The following INO80D variants were observed in gnomAD, a reference collection of about 807,000 sequenced individuals.
INO80D encodes the protein INO80 complex subunit D.
In INO80D, 21 loss-of-function variants were observed where a neutral mutation model predicts 87.6. That is an observed-to-expected ratio of 0.24 (90% CI 0.17 to 0.35). The LOEUF (loss-of-function observed/expected upper bound fraction) is 0.35. INO80D is among the 10% of genes least tolerant of loss of function. The pLI, the probability that INO80D is intolerant of heterozygous loss-of-function variation, is 1.00. For synonymous variants in INO80D, 440 were observed against 491.0 expected, an observed-to-expected ratio of 0.90 and a Z score of 1.37; for missense variants, 982 against 1,280.7, an observed-to-expected ratio of 0.77 and a Z score of 3.56.
intron 1 of INO80D, among the ~76,000 whole-genome samples, chr2:206,073,112 C>G (rs950372784): frequency 1.3e-5 from 2 of 152,178 alleles, no homozygotes; most frequent in Admixed American, 1.3e-4. Context: ...GCTGGGATTA[C>G]AGGCGTGAGC....
At position 206,063,078 on chromosome 2, in the gene INO80D, T is replaced by C. The variant is rs568904276; in HGVS notation, c.-29-33A>G. The C allele has an allele frequency of 1.1e-4, 124 of 1,155,924 alleles. No individual in the cohort carries two copies. The African/African-American group carries it at 1.8e-3, about 17-fold the overall frequency. The allele number at this position is 1,155,924 out of a possible 1,614,324, so 71.6% of individuals were successfully genotyped here. A position where few individuals can be genotyped will look rare whatever the true frequency, so the allele number is the denominator to read the frequency against. ...GCCACCACAAAAAAAGAAACCCAAA[T>C]GATAAATCAGAGAGTATAAGGCAGA... On this transcript the variant is annotated intron_variant, in intron 2 of 10. Coordinates refer to ENST00000403263, the MANE Select transcript of INO80D (RefSeq NM_017759.5).
At chr2:206,053,073 G>A (rs886711873) in intron 4 of INO80D, among the ~76,000 whole-genome samples, 6 of 150,936 alleles carry the variant, frequency 4.0e-5, no homozygotes, top group East Asian at 1.9e-4. Context: ...AAGATAAGCT[G>A]ACAAAATAAT....
intron 5 of INO80D, among the ~76,000 whole-genome samples, chr2:206,029,554 TCTA>T (rs1356394194): frequency 3.9e-5 from 6 of 152,186 alleles, no homozygotes; most frequent in Non-Finnish European, 8.8e-5. Flanking sequence ...TTACTAATCT[TCTA>T]CTATTCATTG....
chr2:206,004,605 T>C lies in INO80D; in HGVS notation c.2847A>G (p.Pro949=). The C allele has an allele frequency of 6.2e-7, 1 of 1,612,134 alleles. No individual in the cohort carries two copies. Among genetic ancestry groups the C allele is most frequent in the Admixed American group, 1.7e-5 (1 of 59,704 alleles). The change falls in exon 11 of 11, where the codon CCA becomes CCG. Residue 949 remains proline, a synonymous_variant. Coordinates refer to ENST00000403263, the MANE Select transcript of INO80D (RefSeq NM_017759.5). This position sits in a 1 kb window ranked among gnomAD's most constrained non-coding sequence, Gnocchi z 4.9. The part of the protein sequence containing the change: ...PSSSSVLPGL[P]QTSFSGMGPS... ...GCCCCATGCCACTGAAGCTGGTCTG[T>C]GGTAACCCCGGAAGCACACTGGAGC...
chr2:206,048,722 C>T lies in INO80D; in HGVS notation c.965-2110G>A, dbSNP rs549244893. 3.3e-5 allele frequency among the ~76,000 whole-genome samples: 5 copies of T among 152,160 alleles called. No homozygotes were observed. The East Asian group carries it at 7.7e-4, about 24-fold the overall frequency. The stretch of plus-strand genomic sequence containing the variant: ...CAGCCTGGGTAACACACCAAGACCC[C>T]GACTCTACAACAAACTTAAAAATTA... On this transcript the variant is annotated intron_variant, in intron 4 of 10. Transcript: ENST00000403263.
chr2:206,035,541 G>A (rs1327795014), intron 5 of INO80D, among the ~76,000 whole-genome samples: 2 of 152,120 alleles, frequency 1.3e-5, no homozygotes, highest in African/African-American at 2.4e-5. Context: ...GCCACATGTA[G>A]GAGAATGAAA....
intron 6 of INO80D, 63 bp from the exon 7 acceptor site, chr2:206,019,908 T>C (rs1224523994): frequency 8.2e-7 from 1 of 1,226,886 alleles, no homozygotes; most frequent in African/African-American, 1.5e-5. Context: ...GGGTAATTTT[T>C]CAACATGATG....
intron 3 of INO80D, among the ~76,000 whole-genome samples, chr2:206,059,489 C>T (rs1689626917): frequency 6.6e-6 from 1 of 152,184 alleles, no homozygotes; most frequent in Non-Finnish European, 1.5e-5. Context: ...TAAAAAATGT[C>T]AATCCTCAAA....
At chr2:206,058,437 A>C (rs1008220086) in intron 3 of INO80D, among the ~76,000 whole-genome samples, 10 of 143,544 alleles carry the variant, frequency 7.0e-5, no homozygotes, top group African/African-American at 2.6e-4. Flanking sequence ...AAAAAAAAAA[A>C]AAAAACCTAT....
At position 206,001,934 on chromosome 2, in the gene INO80D, A is replaced by C. The variant is rs1020268984; in HGVS notation, c.*2434T>G. On this transcript the variant is annotated 3_prime_UTR_variant, in exon 11 of 11. Transcript: ENST00000403263. ...AAAGCAGAGAAGGGCTTTTAAATGC[A>C]CATAAAACAGAAAATTGCAAACAAT... 1 of 152,230 alleles carries C rather than the reference A, an allele frequency of 6.6e-6. No individual in the cohort carries two copies. 9.4% of individuals were successfully genotyped at this position (152,230 alleles called of 1,614,324 possible).
Position 206,062,851 on chromosome 2 carries a change from T to G in INO80D, c.166A>C (p.Lys56Gln). 2 of 1,613,274 alleles carry G rather than the reference T, an allele frequency of 1.2e-6. No individual in the cohort carries two copies. Among genetic ancestry groups the G allele is most frequent in the Non-Finnish European group, 1.7e-6 (2 of 1,179,734 alleles). The change falls in exon 3 of 11, where the codon AAG becomes CAG. Residue 56 changes from lysine (K) to glutamine (Q), a missense_variant. Transcript: ENST00000403263. This position sits in a 1 kb window ranked among gnomAD's most constrained non-coding sequence, Gnocchi z 4.6. Reference protein sequence around the residue: ...APFKQCEYVAKYNSQRCTNPI... With the variant: ...APFKQCEYVAQYNSQRCTNPI... Reference sequence around the variant, plus strand: ...TTGGTGCAGCGTTGGCTGTTATACTTGGCCACATATTCACATTGCTTGAAG... The same window carrying G: ...TTGGTGCAGCGTTGGCTGTTATACTGGGCCACATATTCACATTGCTTGAAG...
At chr2:206,036,546 C>G (rs1296337288) in intron 5 of INO80D, among the ~76,000 whole-genome samples, 1 of 152,074 alleles carries the variant, frequency 6.6e-6, no homozygotes, top group African/African-American at 2.4e-5. Context: ...GACCCAAAGG[C>G]ATAAGCAAGA....
At chr2:206,070,835 T>C (rs934983129) in intron 1 of INO80D, among the ~76,000 whole-genome samples, 1 of 152,130 alleles carries the variant, frequency 6.6e-6, no homozygotes, top group South Asian at 2.1e-4. Context: ...TTTGTATATA[T>C]TGTTTCATGC....
intron 6 of INO80D, among the ~76,000 whole-genome samples, chr2:206,023,990 T>G (rs923427688): frequency 4.6e-5 from 7 of 152,240 alleles, no homozygotes; most frequent in African/African-American, 1.7e-4. Flanking sequence ...ACTCATTGTA[T>G]AGTCTTTTAT....
chr2:206,072,268 T>G (rs563041563), intron 1 of INO80D, among the ~76,000 whole-genome samples: 9 of 151,614 alleles, frequency 5.9e-5, no homozygotes, highest in African/African-American at 2.2e-4. Context: ...TTGGGTTTTT[T>G]GGGAGGGTTT....
At chr2:206,017,407 C>T (rs1575806027) in intron 8 of INO80D, among the ~76,000 whole-genome samples, 1 of 152,164 alleles carries the variant, frequency 6.6e-6, no homozygotes. Flanking sequence ...GCTGGGCCTT[C>T]GATTGAAGTT....
At chr2:206,073,037 T>G (rs1326136737) in intron 1 of INO80D, among the ~76,000 whole-genome samples, 1 of 152,042 alleles carries the variant, frequency 6.6e-6, no homozygotes, top group Non-Finnish European at 1.5e-5. Flanking sequence ...GGAGTCTCAC[T>G]ACATTGCCCA....
intron 5 of INO80D, 150 bp downstream of exon 5, chr2:206,046,354 T>C (rs1180180699): frequency 5.1e-6 from 3 of 585,010 alleles, no homozygotes; most frequent in African/African-American, 3.7e-5. Flanking sequence ...CTGGCCAACA[T>C]GGTGAAACCC....
intron 5 of INO80D, among the ~76,000 whole-genome samples, chr2:206,033,012 T>C (rs771697794): frequency 4.6e-5 from 7 of 152,178 alleles, no homozygotes; most frequent in Non-Finnish European, 1.0e-4. Context: ...GTAAATGACC[T>C]AAATGCTCCA....
Sources: gnomAD v4.1 joint callset for allele counts (sites outside exome capture counted in the v4.1 genomes callset) on GRCh38, gnomAD v4.1.1 for gene constraint, Gnocchi (gnomAD v3.1) non-coding constraint, MANE v1.5 for transcripts, NCBI Gene and HGNC (gene_info 2026-07-23, HGNC 2026-07-21) for gene names.